PMVK: variants seen among roughly 807,000 people sequenced by gnomAD.
PMVK encodes phosphomevalonate kinase.
In PMVK, 10 loss-of-function variants were observed where a neutral mutation model predicts 19.0. The observed-to-expected ratio is 0.53, with a 90% confidence interval of 0.32 to 0.89. The LOEUF (loss-of-function observed/expected upper bound fraction) is 0.89, where lower values mean the gene tolerates loss of function less well. PMVK is among the 40% of genes least tolerant of loss of function. PMVK has a pLI of 0.03. For missense variants in PMVK, 222 were observed against 251.1 expected (o/e 0.88, Z 0.78); for synonymous variants, 108 against 101.6 (o/e 1.06, Z -0.38).
rs753360133 is a variant in PMVK, at chr1:154,936,603, G to T, written c.83C>A (p.Ala28Glu). The change falls in exon 1 of 5, where the codon GCG becomes GAG. Residue 28 changes from alanine (A) to glutamate (E), a missense_variant. Coordinates refer to ENST00000368467, the MANE Select transcript of PMVK (RefSeq NM_006556.4). ...GCCTCACGGACACCTGCTCTGCAGC[G>T]CCTCGGTCACGAAGTCCTTCCCGGA... Reference protein sequence around the residue: ...RKSGKDFVTEALQSRLGADVC... With the variant: ...RKSGKDFVTEELQSRLGADVC... 1.9e-6 allele frequency: 3 copies of T among 1,604,722 alleles called. No homozygotes were observed. The South Asian group carries it at 3.4e-5, about 18-fold the overall frequency.
At chr1:154,929,940 C>G (rs1211718903) in intron 2 of PMVK, among the ~76,000 whole-genome samples, 1 of 152,230 alleles carries the variant, frequency 6.6e-6, no homozygotes, top group Non-Finnish European at 1.5e-5. Flanking sequence ...ACCTGCTCCC[C>G]TTGCTGCAAG....
chr1:154,939,591 G>C (rs562261057), upstream of PMVK, among the ~76,000 whole-genome samples: 31 of 151,348 alleles, frequency 2.0e-4, no homozygotes, highest in Non-Finnish European at 4.1e-4. Flanking sequence ...AGCTACACTC[G>C]GGAGGCTGAG....
At position 154,925,002 on chromosome 1, in the gene PMVK, C is replaced by G; in HGVS notation, c.*127G>C. On this transcript the variant is annotated 3_prime_UTR_variant, in exon 5 of 5. Transcript: ENST00000368467. The stretch of plus-strand genomic sequence containing the variant: ...TCCTGCCTTGCCCAATATCCACCAA[C>G]CCCCTCAGAATCTAGACCCCCCCTG... The G allele has an allele frequency of 9.2e-6, 7 of 764,112 alleles. No homozygotes were observed. Among genetic ancestry groups the G allele is most frequent in the South Asian group, 1.7e-5 (1 of 59,366 alleles). 47.3% of individuals were successfully genotyped at this position (764,112 alleles called of 1,614,324 possible).
At position 154,926,398 on chromosome 1, in the gene PMVK, G is replaced by A. The variant is rs779946272; in HGVS notation, c.398C>T (p.Ala133Val). The A allele has an allele frequency of 1.2e-5, 20 of 1,613,594 alleles. No homozygotes were observed. The highest frequency in any genetic ancestry group is 6.7e-5 in the African/African-American group (5 of 74,904). Residue 133 changes from alanine to valine, a missense_variant, in exon 4 of 5, where the codon GCG (alanine) becomes GTG (valine). By Grantham distance (64) the Ala-to-Val change is moderately conservative. Coordinates refer to ENST00000368467, the MANE Select transcript of PMVK (RefSeq NM_006556.4). ...CCGCTGCTGTCGGCTCTGCTCCAAC[G>A]CTACAACGCGGACCGTCTGCGTCAC... ...GAVTQTVRVVALEQSRQQRGW... is the reference protein window; with the variant it reads ...GAVTQTVRVVVLEQSRQQRGW...
rs775540718 is a variant in PMVK at position 154,925,090 on chromosome 1, C to T, written c.*39G>A. The stretch of plus-strand genomic sequence containing the variant: ...CATTTTGCAGAGTCAGCCCCACCCC[C>T]ACCTCAGCAGGCCCCAGCTCACTCC... On this transcript the variant is annotated 3_prime_UTR_variant, in exon 5 of 5. Coordinates refer to ENST00000368467, the MANE Select transcript of PMVK (RefSeq NM_006556.4). 2.7e-6 allele frequency: 4 copies of T among 1,476,606 alleles called. No homozygotes were observed. The highest frequency in any genetic ancestry group is 3.7e-6 in the Non-Finnish European group (4 of 1,073,242). 91.5% of individuals were successfully genotyped at this position (1,476,606 alleles called of 1,614,324 possible).
At chr1:154,928,343 A>T (rs1322382072) in intron 3 of PMVK, among the ~76,000 whole-genome samples, 1 of 152,226 alleles carries the variant, frequency 6.6e-6, no homozygotes, top group Non-Finnish European at 1.5e-5. Context: ...TAAGGAGGCT[A>T]AAAAAGTAGC....
At chr1:154,936,539 T>C in intron 1 of PMVK, 52 bp downstream of exon 1, 9 of 1,555,044 alleles carry the variant, frequency 5.8e-6, no homozygotes, top group Non-Finnish European at 7.8e-6. Flanking sequence ...GCACTCCTCG[T>C]GTCACGTGAT....
At chr1:154,934,632 GT>G (rs1223663245) in intron 1 of PMVK, among the ~76,000 whole-genome samples, 2 of 152,146 alleles carry the variant, frequency 1.3e-5, no homozygotes, top group Non-Finnish European at 2.9e-5. Context: ...GCCAAGATTG[GT>G]AAAATAAATA....
the PMVK span, among the ~76,000 whole-genome samples, chr1:154,942,077 C>T: frequency 6.6e-6 from 1 of 152,178 alleles, no homozygotes; most frequent in Non-Finnish European, 1.5e-5. Flanking sequence ...AGAAGGCCAC[C>T]CCTAACTCTA....
chr1:154,926,535 G>A, intron 3 of PMVK, 52 bp from the exon 4 acceptor site: 1 of 1,582,076 alleles, frequency 6.3e-7, no homozygotes, highest in East Asian at 2.2e-5. Context: ...ATAGAAGTGA[G>A]GGGAGGTGGG....
In PMVK at chr1:154,925,080, G is replaced by GCCCCCCCCCCCCCCCCCCCCGCCCCCCCC; in HGVS notation, c.*48_*49insGGGGGGGGCGGGGGGGGGGGGGGGGGGGG. 6.9e-7 allele frequency: 1 copy of GCCCCCCCCCCCCCCCCCCCCGCCCCCCCC among 1,459,214 alleles called. No homozygotes were observed. 90.4% of individuals were successfully genotyped at this position (1,459,214 alleles called of 1,614,324 possible). Reference sequence around the variant, plus strand: ...GGGACACCCCCATTTTGCAGAGTCAGCCCCACCCCCACCTCAGCAGGCCCC... The same window carrying GCCCCCCCCCCCCCCCCCCCCGCCCCCCCC: ...GGGACACCCCCATTTTGCAGAGTCAGCCCCCCCCCCCCCCCCCCCCGCCCCCCCCCCCCACCCCCACCTCAGCAGGCCCC... On this transcript the variant is annotated 3_prime_UTR_variant, in exon 5 of 5. Transcript: ENST00000368467.
chr1:154,938,466 C>T (rs183097524), upstream of PMVK, among the ~76,000 whole-genome samples: 37 of 152,292 alleles, frequency 2.4e-4, no homozygotes, highest in East Asian at 6.9e-3. Context: ...GACGTGGTGG[C>T]GGGCACCTGC....
upstream of PMVK, among the ~76,000 whole-genome samples, chr1:154,938,364 C>T (rs958397101): frequency 6.6e-6 from 1 of 152,206 alleles, no homozygotes; most frequent in Non-Finnish European, 1.5e-5. Flanking sequence ...GAGGCCAAGG[C>T]GGATCACCTG....
chr1:154,925,054 G>T lies in PMVK; in HGVS notation c.*75C>A. On this transcript the variant is annotated 3_prime_UTR_variant, in exon 5 of 5. Transcript: ENST00000368467. ...CTGTTCCTCACCTCGGCCAGGATCGGGGGACACCCCCATTTTGCAGAGTCA... is the reference window on the plus strand; with the variant it reads ...CTGTTCCTCACCTCGGCCAGGATCGTGGGACACCCCCATTTTGCAGAGTCA... 1 of 1,384,638 alleles carries T rather than the reference G, an allele frequency of 7.2e-7. No homozygotes were observed. The highest frequency in any genetic ancestry group is 9.8e-7 in the Non-Finnish European group (1 of 1,018,510). 85.8% of individuals were successfully genotyped at this position (1,384,638 alleles called of 1,614,324 possible). A position where few individuals can be genotyped will look rare whatever the true frequency, so the allele number is the denominator to read the frequency against.
At chr1:154,928,954 CAGAGAG>C in intron 3 of PMVK, 64 bp downstream of exon 3, 1 of 1,471,624 alleles carries the variant, frequency 6.8e-7, no homozygotes, top group Non-Finnish European at 9.5e-7. Context: ...GCAGTGGAGA[CAGAGAG>C]AGATGGACAC....
intron 3 of PMVK, among the ~76,000 whole-genome samples, chr1:154,927,474 A>C (rs1208394071): frequency 2.7e-5 from 4 of 147,378 alleles, no homozygotes; most frequent in Admixed American, 1.3e-4. Context: ...AAAAAAAAAA[A>C]AACACAGGAA....
chr1:154,934,644 T>C (rs917610636), intron 1 of PMVK, among the ~76,000 whole-genome samples: 5 of 152,190 alleles, frequency 3.3e-5, no homozygotes, highest in African/African-American at 1.2e-4. Flanking sequence ...AAAATAAATA[T>C]AGCCAACATT....
upstream of PMVK, among the ~76,000 whole-genome samples, chr1:154,940,905 C>T (rs181277593): frequency 2.6e-5 from 4 of 152,290 alleles, no homozygotes; most frequent in East Asian, 7.7e-4. Context: ...AGGTTAAGTA[C>T]AATAAAAATA....
intron 4 of PMVK, among the ~76,000 whole-genome samples, chr1:154,925,861 C>A (rs1162824342): frequency 1.3e-5 from 2 of 152,192 alleles, no homozygotes; most frequent in Non-Finnish European, 2.9e-5. Flanking sequence ...AAATGAGCAG[C>A]ATTAGTAGTG....
Sources: gnomAD v4.1 joint callset for allele counts (sites outside exome capture counted in the v4.1 genomes callset) on GRCh38, gnomAD v4.1.1 for gene constraint, MANE v1.5 for transcripts, NCBI Gene and HGNC (gene_info 2026-07-23, HGNC 2026-07-21) for gene names.